ADARB2: variants seen among roughly 807,000 people sequenced by gnomAD.
ADARB2 encodes the protein adenosine deaminase RNA specific B2 (inactive).
ADARB2 carries 25 observed loss-of-function variants against 62.2 expected under a neutral mutation model. The observed-to-expected ratio is 0.40, with a 90% CI of 0.29 to 0.56. The LOEUF (loss-of-function observed/expected upper bound fraction) is 0.56, where lower values mean the gene tolerates loss of function less well. ADARB2 is among the 20% of genes least tolerant of loss of function. The pLI is 0.43. For missense variants in ADARB2, 1,071 were observed against 1,077.4 expected, an observed-to-expected ratio of 0.99 and a Z score of 0.08; for synonymous variants, 572 against 500.8, an observed-to-expected ratio of 1.14 and a Z score of -1.90.
chr10:1,315,979 G>A (rs1269543334), intron 3 of ADARB2, among the ~76,000 whole-genome samples: 1 of 152,044 alleles, frequency 6.6e-6, no homozygotes, highest in Non-Finnish European at 1.5e-5. Context: ...GAGCATTAAG[G>A]GTATAATTAC....
chr10:1,544,295 C>T lies in ADARB2; in HGVS notation c.101-165135G>A, dbSNP rs114869071. On this transcript the variant is annotated intron_variant, in intron 1 of 9. Coordinates refer to ENST00000381312, the MANE Select transcript of ADARB2 (RefSeq NM_018702.4). ...GCTGGTGAGTGGCCACAGCCCCTCCCGTTGGTCACCACCTGGTGGGCAGCA... is the reference window on the plus strand; with the variant it reads ...GCTGGTGAGTGGCCACAGCCCCTCCTGTTGGTCACCACCTGGTGGGCAGCA... Among the ~76,000 whole-genome samples the T allele has an allele frequency of 8.1e-3, 1,232 of 152,306 alleles. 24 individuals are homozygous for T. The highest frequency in any genetic ancestry group is 0.028 in the African/African-American group (1,176 of 41,566).
At chr10:1,352,837 CTG>C (rs550015577) in intron 3 of ADARB2, among the ~76,000 whole-genome samples, 445 of 152,292 alleles carry the variant, frequency 2.9e-3, no homozygotes, top group African/African-American at 0.01. Context: ...ACCCTCATGA[CTG>C]TATCTCTCTG....
intron 1 of ADARB2, among the ~76,000 whole-genome samples, chr10:1,550,980 G>A (rs955289821): frequency 2.6e-5 from 4 of 152,110 alleles, no homozygotes; most frequent in African/African-American, 7.2e-5. Flanking sequence ...GGCTGTATTC[G>A]GCCCTGTCAA....
At chr10:1,526,793 TC>T in intron 1 of ADARB2, 1 of 506,904 alleles carries the variant, frequency 2.0e-6, no homozygotes, top group Non-Finnish European at 4.1e-6. Flanking sequence ...TGTTCCCGCC[TC>T]CTCCTGGCAC....
chr10:1,278,934 CG>C (rs899373354), intron 3 of ADARB2, among the ~76,000 whole-genome samples: 1 of 152,166 alleles, frequency 6.6e-6, no homozygotes, highest in African/African-American at 2.4e-5. Context: ...ATCAACCTCT[CG>C]AATGAATGAC....
chr10:1,288,587 A>G (rs559723706), intron 3 of ADARB2, among the ~76,000 whole-genome samples: 2 of 152,328 alleles, frequency 1.3e-5, no homozygotes, highest in East Asian at 3.9e-4. Context: ...GCTGCCTCTG[A>G]GACGCTGAGG....
intron 1 of ADARB2, among the ~76,000 whole-genome samples, chr10:1,683,218 A>ATT (rs1432776054): frequency 6.6e-6 from 1 of 152,114 alleles, no homozygotes; most frequent in Non-Finnish European, 1.5e-5. Context: ...CCCAGATGCA[A>ATT]TTCACTTTTC....
At chr10:1,263,070 G>T (rs1352099697) in intron 4 of ADARB2, among the ~76,000 whole-genome samples, 3 of 139,894 alleles carry the variant, frequency 2.1e-5, no homozygotes, top group Non-Finnish European at 3.0e-5. Flanking sequence ...TCATAGGTGG[G>T]AATTGAACAA....
rs187710725 is a variant in ADARB2, at chr10:1,434,866, T to C, written c.101-55706A>G. On this transcript the variant is annotated intron_variant, in intron 1 of 9. Coordinates refer to ENST00000381312, the MANE Select transcript of ADARB2 (RefSeq NM_018702.4). Reference sequence around the variant, plus strand: ...CTCTGGAAAACTTTGTCATTCTGAGTTGGTCTGGCGATAGTTTCTGCTCCT... The same window carrying C: ...CTCTGGAAAACTTTGTCATTCTGAGCTGGTCTGGCGATAGTTTCTGCTCCT... Among the ~76,000 whole-genome samples, 397 of 152,284 alleles carry C rather than the reference T, an allele frequency of 2.6e-3. 3 individuals carry two copies. Among genetic ancestry groups the C allele is most frequent in the Middle Eastern group, 0.024 (7 of 294 alleles).
chr10:1,362,528 G>A (rs2131850103), intron 3 of ADARB2, among the ~76,000 whole-genome samples: 1 of 152,166 alleles, frequency 6.6e-6, no homozygotes, highest in African/African-American at 2.4e-5. Flanking sequence ...GCCGGGCAGA[G>A]TGAGGCCCAG....
chr10:1,390,439 C>G (rs931210280), intron 1 of ADARB2, among the ~76,000 whole-genome samples: 1 of 152,158 alleles, frequency 6.6e-6, no homozygotes, highest in Non-Finnish European at 1.5e-5. Context: ...GTACATTTTG[C>G]TGTATGTAAA....
intron 2 of ADARB2, among the ~76,000 whole-genome samples, chr10:1,365,030 G>A (rs1832301055): frequency 6.6e-6 from 1 of 151,900 alleles, no homozygotes; most frequent in African/African-American, 2.4e-5. Context: ...CCACCACCAC[G>A]CCTGGCTAAT....
intron 1 of ADARB2, among the ~76,000 whole-genome samples, chr10:1,396,492 G>C (rs894246127): frequency 6.6e-6 from 1 of 152,110 alleles, no homozygotes; most frequent in Non-Finnish European, 1.5e-5. Flanking sequence ...CGAAGAATCC[G>C]GCCCTGAGCT....
chr10:1,552,519 G>A (rs1832640914), intron 1 of ADARB2, among the ~76,000 whole-genome samples: 1 of 152,214 alleles, frequency 6.6e-6, no homozygotes, highest in Non-Finnish European at 1.5e-5. Context: ...GGCACTCAGT[G>A]AGGGGCTGCC....
At chr10:1,509,158 C>T (rs1329690445) in intron 1 of ADARB2, among the ~76,000 whole-genome samples, 1 of 152,178 alleles carries the variant, frequency 6.6e-6, no homozygotes, top group Middle Eastern at 3.2e-3. Context: ...TTCAGACTAA[C>T]AGCAACAGTA....
chr10:1,673,644 A>G (rs1344172422), intron 1 of ADARB2, among the ~76,000 whole-genome samples: 2 of 152,254 alleles, frequency 1.3e-5, no homozygotes, highest in Non-Finnish European at 2.9e-5. Context: ...AACACTGAGC[A>G]CTACGGGAAC....
intron 1 of ADARB2, among the ~76,000 whole-genome samples, chr10:1,552,287 G>A (rs1177282531): frequency 2.0e-5 from 3 of 152,224 alleles, no homozygotes; most frequent in Non-Finnish European, 2.9e-5. Context: ...ATACAGCCTC[G>A]GGTTTCACTG....
At chr10:1,651,556 C>G (rs1370773629) in intron 1 of ADARB2, among the ~76,000 whole-genome samples, 1 of 152,278 alleles carries the variant, frequency 6.6e-6, no homozygotes, top group Non-Finnish European at 1.5e-5. Context: ...CTTCCAGAAC[C>G]AGCCCCTGAC....
intron 1 of ADARB2, among the ~76,000 whole-genome samples, chr10:1,406,985 T>C (rs1305607073): frequency 6.6e-6 from 1 of 152,162 alleles, no homozygotes; most frequent in Non-Finnish European, 1.5e-5. Flanking sequence ...CCAGGGACGC[T>C]GGTGATCTGG....
Sources: gnomAD v4.1 joint callset for allele counts (sites outside exome capture counted in the v4.1 genomes callset) on GRCh38, gnomAD v4.1.1 for gene constraint, MANE v1.5 for transcripts, NCBI Gene and HGNC (gene_info 2026-07-23, HGNC 2026-07-21) for gene names.